Variants in SEMA6A observed in about 807,000 individuals in gnomAD.
SEMA6A encodes the protein semaphorin-6A.
A neutral mutation model predicts 96.8 loss-of-function variants in SEMA6A; 25 were observed. The ratio of observed to expected loss-of-function variants is 0.26; its 90% confidence interval spans 0.19 to 0.36. SEMA6A has a LOEUF of 0.36. Ranked by LOEUF, SEMA6A falls within the 10% of genes least tolerant of loss-of-function variation. SEMA6A has a pLI of 1.00. For missense variants in SEMA6A, 1,363 were observed against 1,323.1 expected (o/e 1.03, Z -0.47); for synonymous variants, 612 against 518.0 (o/e 1.18, Z -2.46).
intron 16 of SEMA6A, 74 bp downstream of exon 16, chr5:116,475,471 G>C (rs1385109926): frequency 2.0e-5 from 20 of 996,546 alleles, no homozygotes; most frequent in Non-Finnish European, 3.0e-5. Flanking sequence ...TTCCACATGT[G>C]AGCTGATGTT....
At chr5:116,532,986 G>T (rs1227841080) in intron 1 of SEMA6A, among the ~76,000 whole-genome samples, 2 of 152,174 alleles carry the variant, frequency 1.3e-5, no homozygotes, top group Admixed American at 1.3e-4. Context: ...CACCCCCTCT[G>T]CCAAGAGATC....
At chr5:116,554,110 T>G (rs1021867277) in intron 1 of SEMA6A, among the ~76,000 whole-genome samples, 2 of 152,102 alleles carry the variant, frequency 1.3e-5, no homozygotes, top group Non-Finnish European at 1.5e-5. Context: ...AACAGTAACA[T>G]CAGTAAAAGT....
intron 6 of SEMA6A, chr5:116,492,302 A>G (rs1035135223): frequency 7.4e-6 from 1 of 134,658 alleles, no homozygotes; most frequent in Non-Finnish European, 1.6e-5. Context: ...TAACTAACCT[A>G]AAAAAAAAAA....
chr5:116,569,711 A>G (rs982535878), intron 1 of SEMA6A, among the ~76,000 whole-genome samples: 2 of 152,126 alleles, frequency 1.3e-5, no homozygotes, highest in Admixed American at 6.5e-5. Flanking sequence ...TGCAGCCACA[A>G]TGGATGTAGG....
chr5:116,552,750 G>C (rs139492554), intron 1 of SEMA6A, among the ~76,000 whole-genome samples: 2 of 152,296 alleles, frequency 1.3e-5, no homozygotes, highest in East Asian at 3.9e-4. Flanking sequence ...TACTAATGGG[G>C]CACTTTTACA....
chr5:116,444,081 G>A lies in SEMA6A; in HGVS notation c.*2532C>T, dbSNP rs1000006151. ...CGGGAGTCAAGCATGGGAAAGAAGG[G>A]GGCAGGGGGATACAGACCCATCACC... On this transcript the variant is annotated 3_prime_UTR_variant, in exon 19 of 19. Coordinates refer to ENST00000343348, the MANE Select transcript of SEMA6A (RefSeq NM_020796.5). 1 of 152,104 alleles carries A rather than the reference G, an allele frequency of 6.6e-6. No homozygotes were observed. The highest frequency in any genetic ancestry group is 2.4e-5 in the African/African-American group (1 of 41,396). The allele number at this position is 152,104 out of a possible 1,614,324, so 9.4% of individuals were successfully genotyped here.
intron 6 of SEMA6A, among the ~76,000 whole-genome samples, chr5:116,492,055 G>A (rs1227776184): frequency 6.6e-6 from 1 of 152,138 alleles, no homozygotes; most frequent in Non-Finnish European, 1.5e-5. Flanking sequence ...CTTTCAAGCA[G>A]TGTACTCTTC....
intron 5 of SEMA6A, 24 bp downstream of exon 5, chr5:116,496,227 G>T: frequency 6.2e-7 from 1 of 1,604,846 alleles, no homozygotes; most frequent in Non-Finnish European, 8.5e-7. Context: ...AGTGGCAGCT[G>T]CAGGAGAAAT....
Position 116,496,118 on chromosome 5 carries a change from G to C in SEMA6A, c.342+133C>G, listed in dbSNP as rs1333668476. On this transcript the variant is annotated intron_variant, in intron 5 of 18. Coordinates refer to ENST00000343348, the MANE Select transcript of SEMA6A (RefSeq NM_020796.5). ...TTTTGCAAATTAAAGCCTTCAGTAA[G>C]TTGATGAAAAAAGCAATTACTGAGG... 51 of 740,794 alleles carry C rather than the reference G, an allele frequency of 6.9e-5. No homozygotes were observed. The Admixed American group carries it at 1.3e-3, about 19-fold the overall frequency. 45.9% of individuals were successfully genotyped at this position (740,794 alleles called of 1,614,324 possible). A position where few individuals can be genotyped will look rare whatever the true frequency, so the allele number is the denominator to read the frequency against.
intron 1 of SEMA6A, among the ~76,000 whole-genome samples, chr5:116,506,709 G>T (rs1758161766): frequency 6.6e-6 from 1 of 152,056 alleles, no homozygotes; most frequent in Non-Finnish European, 1.5e-5. Context: ...GGGTCAGGGA[G>T]AACTGGCAAC....
At chr5:116,541,436 G>C (rs1759959817) in intron 1 of SEMA6A, among the ~76,000 whole-genome samples, 1 of 151,638 alleles carries the variant, frequency 6.6e-6, no homozygotes, top group South Asian at 2.1e-4. Context: ...ATAATAAAGT[G>C]TTAAACACTG....
In SEMA6A at chr5:116,487,581, G is replaced by A. The variant is rs114971059; in HGVS notation, c.744+527C>T. Among the ~76,000 whole-genome samples, 505 of 152,018 alleles carry A rather than the reference G, an allele frequency of 3.3e-3. 5 individuals carry two copies. The highest frequency in any genetic ancestry group is 0.012 in the African/African-American group (478 of 41,498). On this transcript the variant is annotated intron_variant, in intron 9 of 18. Coordinates refer to ENST00000343348, the MANE Select transcript of SEMA6A (RefSeq NM_020796.5). The stretch of plus-strand genomic sequence containing the variant: ...CCACATCTCAAGACACTTGAATCTC[G>A]GGCCAGGTGCGGAGGCTCATGTCTG...
Position 116,478,687 on chromosome 5 carries a change from C to T in SEMA6A, c.1282G>A (p.Ala428Thr). Residue 428 changes from alanine (A) to threonine (T), a missense_variant, in exon 13 of 19, where the codon GCT becomes ACT. By Grantham distance (58) the Ala-to-Thr change is moderately conservative. Coordinates refer to ENST00000343348, the MANE Select transcript of SEMA6A (RefSeq NM_020796.5). The stretch of plus-strand genomic sequence containing the variant: ...GTGTGATTCTGATATGGCCCAGCAG[C>T]TGTGTCCACTGCAATTTTGGTAAGG... ...YRLTKIAVDT[A>T]AGPYQNHTVV... 1.2e-6 allele frequency: 2 copies of T among 1,612,956 alleles called. No individual in the cohort carries two copies. Among genetic ancestry groups the T allele is most frequent in the Non-Finnish European group, 1.7e-6 (2 of 1,179,640 alleles).
Position 116,475,555 on chromosome 5 carries a change from C to T in SEMA6A, c.1698G>A (p.Gly566=). The T allele has an allele frequency of 6.2e-7, 1 of 1,601,504 alleles. No individual in the cohort carries two copies. Among genetic ancestry groups the T allele is most frequent in the Non-Finnish European group, 8.5e-7 (1 of 1,173,730 alleles). The part of the protein sequence containing the change: ...DIERGNTDGL[G]DCHNSFVALN... ...AAAGACTGTACTTACTGTGACAGTC[C>T]CCCAGACCATCTGTATTGCCACGCT... Residue 566 remains glycine (G), a synonymous_variant, in exon 16 of 19, where the codon GGG becomes GGA. Coordinates refer to ENST00000343348, the MANE Select transcript of SEMA6A (RefSeq NM_020796.5).
At position 116,475,578 on chromosome 5, in the gene SEMA6A, G is replaced by A. The variant is rs371665817; in HGVS notation, c.1675C>T (p.Arg559Cys). The change falls in exon 16 of 19, where the codon CGT (arginine) becomes TGT (cysteine). Residue 559 changes from arginine to cysteine, a missense_variant. Transcript: ENST00000343348. ...TCCCCCAGACCATCTGTATTGCCAC[G>A]CTCTATGTCCTGCTCAAAAGTCAGT... Reference protein sequence around the residue: ...SRLTFEQDIERGNTDGLGDCH... With the variant: ...SRLTFEQDIECGNTDGLGDCH... 1.9e-5 allele frequency: 31 copies of A among 1,604,030 alleles called. No individual in the cohort carries two copies. The highest frequency in any genetic ancestry group is 4.5e-5 in the East Asian group (2 of 44,626).
intron 1 of SEMA6A, among the ~76,000 whole-genome samples, chr5:116,564,716 A>T (rs1580523309): frequency 6.6e-6 from 1 of 152,156 alleles, no homozygotes; most frequent in African/African-American, 2.4e-5. Context: ...CCTAAAAAAA[A>T]ATAGCAAAAT....
rs534832306 is a variant in SEMA6A, at chr5:116,549,009, A to G, written c.-39+25176T>C. On this transcript the variant is annotated intron_variant, in intron 1 of 18. Transcript: ENST00000343348. The stretch of plus-strand genomic sequence containing the variant: ...CAGTGCTAGCTGATGGAAAGACCAA[A>G]TAAGCACTTTTCAGGCTCTCTGATG... 5.9e-5 allele frequency among the ~76,000 whole-genome samples: 9 copies of G among 152,348 alleles called. No individual in the cohort carries two copies. The South Asian group carries it at 1.9e-3, about 32-fold the overall frequency.
intron 2 of SEMA6A, 50 bp downstream of exon 2, chr5:116,504,795 G>A (rs1217524342): frequency 7.1e-7 from 1 of 1,399,492 alleles, no homozygotes; most frequent in Admixed American, 2.0e-5. Context: ...GGCTGATTCA[G>A]GCTAAAATGT....
intron 1 of SEMA6A, among the ~76,000 whole-genome samples, chr5:116,563,086 G>A (rs959676369): frequency 2.0e-5 from 3 of 152,162 alleles, no homozygotes; most frequent in African/African-American, 7.2e-5. Flanking sequence ...ATTCTCTACA[G>A]TGTCTACAAT....
Sources: allele counts gnomAD v4.1 joint callset (sites outside exome capture counted in the v4.1 genomes callset), GRCh38; gene constraint gnomAD v4.1.1; transcripts MANE v1.5; gene names NCBI Gene and HGNC (gene_info 2026-07-23, HGNC 2026-07-21).